LDLRAD4: variants seen among roughly 807,000 people sequenced by gnomAD.
The protein encoded by LDLRAD4 is low density lipoprotein receptor class A domain containing 4, also known as low-density lipoprotein receptor class A domain-containing protein 4.
Under a neutral mutation model 17.0 loss-of-function variants are expected in LDLRAD4, and 5 were observed. That is an observed-to-expected ratio of 0.29 (90% CI 0.15 to 0.62). The LOEUF (loss-of-function observed/expected upper bound fraction) is 0.62. Among genes scored for constraint, LDLRAD4 ranks in the 20% least tolerant of loss-of-function variants. The pLI is 0.84. For missense variants in LDLRAD4, 340 were observed against 424.7 expected (o/e 0.80, Z 1.75); for synonymous variants, 168 against 171.8 (o/e 0.98, Z 0.17).
intron 2 of LDLRAD4, among the ~76,000 whole-genome samples, chr18:13,391,398 C>T (rs1269942071): frequency 1.3e-5 from 2 of 152,082 alleles, no homozygotes; most frequent in African/African-American, 2.4e-5. Context: ...GGCCCCTGTC[C>T]CCATGCCACG....
chr18:13,222,556 C>T (rs986307099), intron 1 of LDLRAD4, among the ~76,000 whole-genome samples: 2 of 152,232 alleles, frequency 1.3e-5, no homozygotes, highest in Non-Finnish European at 2.9e-5. Flanking sequence ...ACTGCAAACG[C>T]ACTCTGCAGC....
At chr18:13,400,112 T>C (rs912338970) in intron 2 of LDLRAD4, among the ~76,000 whole-genome samples, 1 of 152,202 alleles carries the variant, frequency 6.6e-6, no homozygotes, top group African/African-American at 2.4e-5. Flanking sequence ...AATTTTACGC[T>C]GGGCACTGGG....
rs547301032 is a variant in LDLRAD4, at chr18:13,566,971, C to T, written c.182-54146C>T. 2.8e-4 allele frequency among the ~76,000 whole-genome samples: 42 copies of T among 152,262 alleles called. No individual in the cohort carries two copies. The East Asian group carries it at 5.8e-3, about 21-fold the overall frequency. ...GGGTCCTGCTGAGCTGATGGGGAAGCGAAGCCCAGCCTGGTGCAGCCTGGC... is the reference window on the plus strand; with the variant it reads ...GGGTCCTGCTGAGCTGATGGGGAAGTGAAGCCCAGCCTGGTGCAGCCTGGC... On this transcript the variant is annotated intron_variant, in intron 3 of 5. Coordinates refer to ENST00000359446, the Ensembl canonical transcript of LDLRAD4.
At chr18:13,430,505 G>C (rs9960458) in intron 2 of LDLRAD4, among the ~76,000 whole-genome samples, 7,782 of 152,050 alleles carry the variant, frequency 0.051, 648 homozygotes, top group African/African-American at 0.18. Flanking sequence ...ATGCCTTGGC[G>C]CCCAAAGTCT....
chr18:13,634,786 AAAG>A (rs900298379), intron 4 of LDLRAD4, among the ~76,000 whole-genome samples: 5 of 152,126 alleles, frequency 3.3e-5, no homozygotes, highest in African/African-American at 4.8e-5. Flanking sequence ...AAAAAAAAAA[AAAG>A]ATTTGAAAAG....
intron 3 of LDLRAD4, among the ~76,000 whole-genome samples, chr18:13,551,415 T>C (rs947953887): frequency 1.3e-5 from 2 of 152,172 alleles, no homozygotes; most frequent in African/African-American, 4.8e-5. Context: ...GAACTGCTTG[T>C]TGACACAGAG....
intron 2 of LDLRAD4, among the ~76,000 whole-genome samples, chr18:13,401,386 A>G (rs933958139): frequency 6.9e-6 from 1 of 145,122 alleles, no homozygotes; most frequent in Admixed American, 6.9e-5. Flanking sequence ...AAAAAAAAAA[A>G]CTGTCCCTTT....
intron 1 of LDLRAD4, among the ~76,000 whole-genome samples, chr18:13,312,764 A>C (rs1033267705): frequency 2.0e-5 from 3 of 152,126 alleles, no homozygotes; most frequent in Admixed American, 1.3e-4. Context: ...AAGAAACAAA[A>C]ATACACACAA....
intron 1 of LDLRAD4, among the ~76,000 whole-genome samples, chr18:13,317,058 A>G (rs1389105278): frequency 3.3e-5 from 5 of 152,232 alleles, no homozygotes; most frequent in Non-Finnish European, 7.3e-5. Flanking sequence ...AAGGCACGAT[A>G]GTGAAAGGAG....
intron 3 of LDLRAD4, among the ~76,000 whole-genome samples, chr18:13,591,871 A>G (rs2095034143): frequency 6.6e-6 from 1 of 152,210 alleles, no homozygotes; most frequent in Non-Finnish European, 1.5e-5. Flanking sequence ...GATTGTTATA[A>G]CATCGTTAGG....
At chr18:13,614,602 C>G (rs1428111586) in intron 3 of LDLRAD4, 2 of 152,094 alleles carry the variant, frequency 1.3e-5, no homozygotes, top group Admixed American at 1.3e-4. Context: ...CTGAATTTTC[C>G]CCCTCAACCA....
At chr18:13,415,082 G>A (rs1244397856) in intron 2 of LDLRAD4, among the ~76,000 whole-genome samples, 2 of 152,284 alleles carry the variant, frequency 1.3e-5, no homozygotes, top group East Asian at 3.9e-4. Flanking sequence ...AGCTGGGCTG[G>A]GCAGTGTGGT....
chr18:13,539,545 C>CT (rs2094246653), intron 3 of LDLRAD4, among the ~76,000 whole-genome samples: 2 of 152,222 alleles, frequency 1.3e-5, no homozygotes, highest in African/African-American at 4.8e-5. Flanking sequence ...TTTCCACCCC[C>CT]TTTCCTCCTC....
At chr18:13,344,340 A>G (rs1395221890) in intron 1 of LDLRAD4, among the ~76,000 whole-genome samples, 2 of 152,176 alleles carry the variant, frequency 1.3e-5, no homozygotes, top group African/African-American at 4.8e-5. Flanking sequence ...TAAATAGGGA[A>G]TCCTTTCCCC....
At chr18:13,470,136 G>A (rs1016961084) in intron 3 of LDLRAD4, among the ~76,000 whole-genome samples, 3 of 152,126 alleles carry the variant, frequency 2.0e-5, no homozygotes, top group African/African-American at 4.8e-5. Context: ...GCGATAGACC[G>A]TGTGGAAATG....
chr18:13,262,144 C>T (rs924962078), intron 1 of LDLRAD4, among the ~76,000 whole-genome samples: 1 of 123,234 alleles, frequency 8.1e-6, no homozygotes, highest in African/African-American at 3.0e-5. Context: ...AAACTGAGTC[C>T]CGTGCGGCTC....
chr18:13,473,577 C>A (rs370270245), intron 3 of LDLRAD4, among the ~76,000 whole-genome samples: 4 of 140,186 alleles, frequency 2.9e-5, no homozygotes, highest in African/African-American at 7.9e-5. Context: ...TTGGAGGCTG[C>A]AGTGAGCTAT....
intron 1 of LDLRAD4, among the ~76,000 whole-genome samples, chr18:13,333,780 A>T (rs1458785157): frequency 6.6e-6 from 1 of 152,198 alleles, no homozygotes; most frequent in Admixed American, 6.5e-5. Context: ...ATTTTTCATC[A>T]ATACCACACT....
intron 1 of LDLRAD4, among the ~76,000 whole-genome samples, chr18:13,315,167 ACCG>A (rs1041912042): frequency 1.4e-4 from 22 of 152,144 alleles, no homozygotes; most frequent in African/African-American, 5.3e-4. Context: ...TTCACAAAAG[ACCG>A]GGACTCAGCC....
Sources: allele counts gnomAD v4.1 joint callset (sites outside exome capture counted in the v4.1 genomes callset), GRCh38; gene constraint gnomAD v4.1.1; transcripts MANE v1.5; gene names NCBI Gene and HGNC (gene_info 2026-07-23, HGNC 2026-07-21).